The following DNAJC27 variants were observed in gnomAD, a reference collection of about 807,000 sequenced individuals.
DNAJC27 encodes dnaJ homolog subfamily C member 27.
DNAJC27 carries 25 observed loss-of-function variants against 31.4 expected under a neutral mutation model. The observed-to-expected ratio is 0.80, with a 90% CI of 0.58 to 1.11. DNAJC27 has a LOEUF of 1.11. Among genes scored for constraint, DNAJC27 ranks in the 50% most tolerant of loss-of-function variants. DNAJC27 has a pLI of 0.00. For missense variants in DNAJC27, 356 were observed against 347.3 expected (o/e 1.02, Z -0.20); for synonymous variants, 106 against 112.7 (o/e 0.94, Z 0.37).
chr2:24,945,866 T>A lies in DNAJC27; in HGVS notation c.*1750A>T, dbSNP rs1251475850. ...CTGCTGTGTGGAAAATCCACAAGGC[T>A]GCAGTGGGCTTGGATTGGAAGAAAG... On this transcript the variant is annotated 3_prime_UTR_variant, in exon 7 of 7. Transcript: ENST00000264711. The A allele has an allele frequency of 6.6e-6, 1 of 152,234 alleles. No individual in the cohort carries two copies. The highest frequency in any genetic ancestry group is 2.4e-5 in the African/African-American group (1 of 41,462). 9.4% of individuals were successfully genotyped at this position (152,234 alleles called of 1,614,324 possible). A position where few individuals can be genotyped will look rare whatever the true frequency, so the allele number is the denominator to read the frequency against.
intron 3 of DNAJC27, chr2:24,958,547 T>C (rs2149125969): frequency 2.4e-6 from 1 of 414,858 alleles, no homozygotes; most frequent in Non-Finnish European, 5.0e-6. Context: ...ACTTACTTAC[T>C]AGTTTTGTGA....
intron 2 of DNAJC27, among the ~76,000 whole-genome samples, chr2:24,964,168 C>T (rs1394606241): frequency 6.6e-6 from 1 of 151,958 alleles, no homozygotes; most frequent in Non-Finnish European, 1.5e-5. Flanking sequence ...CGCCTGTAAT[C>T]CCAGCACTGT....
intron 6 of DNAJC27, among the ~76,000 whole-genome samples, chr2:24,951,062 C>T (rs1370816270): frequency 1.3e-5 from 2 of 152,310 alleles, no homozygotes; most frequent in South Asian, 2.1e-4. Context: ...TGATTGCCAA[C>T]GTGCTTTCCT....
At chr2:24,966,625 A>G (rs898181957) in intron 2 of DNAJC27, among the ~76,000 whole-genome samples, 2 of 151,892 alleles carry the variant, frequency 1.3e-5, no homozygotes, top group Admixed American at 1.3e-4. Flanking sequence ...CACCCGGCTA[A>G]TTTTTGCATT....
At chr2:24,967,804 G>A (rs1212223952) in intron 1 of DNAJC27, among the ~76,000 whole-genome samples, 2 of 151,896 alleles carry the variant, frequency 1.3e-5, no homozygotes, top group Non-Finnish European at 2.9e-5. Flanking sequence ...ATATGCATAT[G>A]TTTTCAGTTG....
At chr2:24,950,841 C>T (rs1011086866) in intron 6 of DNAJC27, among the ~76,000 whole-genome samples, 5 of 149,356 alleles carry the variant, frequency 3.3e-5, no homozygotes, top group Admixed American at 2.7e-4. Flanking sequence ...GAGTGAGACT[C>T]TGTCTCAAAA....
Position 24,951,537 on chromosome 2 carries a change from T to C in DNAJC27, c.546A>G (p.Ile182Met). ...TCCCGCCATTTTCACATAAATCAAC[T>C]ATGGATATATAAAAGGTCTACAAGA... ...NEMFQTFYIS[I>M]VDLCENGGKR... is the part of the protein sequence containing the mutation. Residue 182 changes from isoleucine to methionine, a missense_variant, in exon 6 of 7, where the codon ATA (isoleucine) becomes ATG (methionine). Physicochemically the swap from Ile to Met is conservative, Grantham distance 10. Coordinates refer to ENST00000264711, the MANE Select transcript of DNAJC27 (RefSeq NM_016544.3). 6.2e-7 allele frequency: 1 copy of C among 1,612,788 alleles called. No individual in the cohort carries two copies. The highest frequency in any genetic ancestry group is 8.5e-7 in the Non-Finnish European group (1 of 1,179,370).
At chr2:24,954,190 G>T (rs917233097) in intron 5 of DNAJC27, among the ~76,000 whole-genome samples, 3 of 152,144 alleles carry the variant, frequency 2.0e-5, no homozygotes. Context: ...GCCAAAGGCT[G>T]GGCTATATAT....
intron 6 of DNAJC27, 125 bp from the exon 7 acceptor site, chr2:24,947,873 G>T: frequency 8.8e-7 from 1 of 1,136,946 alleles, no homozygotes; most frequent in Non-Finnish European, 1.2e-6. Context: ...CTTTCTCAAA[G>T]GCAGGATTAA....
chr2:24,967,140 C>A, intron 2 of DNAJC27, 71 bp downstream of exon 2: 1 of 1,203,804 alleles, frequency 8.3e-7, no homozygotes, highest in Non-Finnish European at 1.2e-6. Flanking sequence ...AGCACTGATG[C>A]AAATATGGAT....
Position 24,947,520 on chromosome 2 carries a change from T to G in DNAJC27, c.*96A>C. Reference sequence around the variant, plus strand: ...GACAACACATGAATGAAAAGAGCAGTGAGATTCTGGGAAGGAAAACTCCAC... The same window carrying G: ...GACAACACATGAATGAAAAGAGCAGGGAGATTCTGGGAAGGAAAACTCCAC... On this transcript the variant is annotated 3_prime_UTR_variant, in exon 7 of 7. Transcript: ENST00000264711. The G allele has an allele frequency of 3.5e-6, 5 of 1,413,060 alleles. No individual in the cohort carries two copies. The highest frequency in any genetic ancestry group is 4.8e-6 in the Non-Finnish European group (5 of 1,037,258). The allele number at this position is 1,413,060 out of a possible 1,614,324, so 87.5% of individuals were successfully genotyped here.
At chr2:24,948,929 G>A (rs1173883568) in intron 6 of DNAJC27, among the ~76,000 whole-genome samples, 1 of 152,128 alleles carries the variant, frequency 6.6e-6, no homozygotes, top group Non-Finnish European at 1.5e-5. Flanking sequence ...TTTTATCGAA[G>A]GATTTCTAAT....
chr2:24,963,484 T>C lies in DNAJC27; in HGVS notation c.171-10A>G. 2.5e-6 allele frequency: 4 copies of C among 1,609,060 alleles called. No individual in the cohort carries two copies. Among genetic ancestry groups the C allele is most frequent in the Non-Finnish European group, 3.4e-6 (4 of 1,176,402 alleles). ...GTCTCTGACGTGTACCCTGAAATGT[T>C]CAAATGGAAACAATCCGAAAGAAAG... On this transcript the variant is annotated splice_polypyrimidine_tract_variant and intron_variant, in intron 2 of 6. Coordinates refer to ENST00000264711, the MANE Select transcript of DNAJC27 (RefSeq NM_016544.3).
intron 5 of DNAJC27, among the ~76,000 whole-genome samples, chr2:24,953,382 G>A (rs1174020188): frequency 1.3e-5 from 2 of 152,134 alleles, no homozygotes; most frequent in South Asian, 2.1e-4. Context: ...GACACAAGAC[G>A]TATTAGCTTG....
chr2:24,947,877 G>C, intron 6 of DNAJC27, 129 bp from the exon 7 acceptor site: 2 of 1,072,240 alleles, frequency 1.9e-6, no homozygotes, highest in Non-Finnish European at 2.5e-6. Flanking sequence ...CTCAAAGGCA[G>C]GATTAAAGGA....
chr2:24,948,646 C>T (rs920054381), intron 6 of DNAJC27, among the ~76,000 whole-genome samples: 1 of 152,158 alleles, frequency 6.6e-6, no homozygotes, highest in African/African-American at 2.4e-5. Context: ...AAACCAGCAG[C>T]GCTCCAGGAG....
At chr2:24,951,231 T>C (rs146945391) in intron 6 of DNAJC27, among the ~76,000 whole-genome samples, 163 bp downstream of exon 6, 7 of 152,370 alleles carry the variant, frequency 4.6e-5, no homozygotes, top group Non-Finnish European at 8.8e-5. Flanking sequence ...CTATTTTGTC[T>C]CTTTGGTATT....
intron 2 of DNAJC27, among the ~76,000 whole-genome samples, chr2:24,963,935 T>C (rs1363644137): frequency 1.3e-5 from 2 of 152,264 alleles, no homozygotes; most frequent in East Asian, 3.8e-4. Flanking sequence ...TTAATTTTCT[T>C]GTGATCTTTA....
Position 24,947,018 on chromosome 2 carries a change from AAC to A in DNAJC27, c.*596_*597del, listed in dbSNP as rs1225529472. ...CTCCCACTGGTGGCTGCAGAAGAGG[AAC>A]AGAGTGAATATCATAAAGGAATGCT... On this transcript the variant is annotated 3_prime_UTR_variant, in exon 7 of 7. Coordinates refer to ENST00000264711, the MANE Select transcript of DNAJC27 (RefSeq NM_016544.3). The A allele has an allele frequency of 6.6e-6, 1 of 152,252 alleles. No individual in the cohort carries two copies. The highest frequency in any genetic ancestry group is 1.5e-5 in the Non-Finnish European group (1 of 68,068). The allele number at this position is 152,252 out of a possible 1,614,324, so 9.4% of individuals were successfully genotyped here. A position where few individuals can be genotyped will look rare whatever the true frequency, so the allele number is the denominator to read the frequency against.
Sources: allele counts gnomAD v4.1 joint callset (sites outside exome capture counted in the v4.1 genomes callset), GRCh38; gene constraint gnomAD v4.1.1; transcripts MANE v1.5; gene names NCBI Gene and HGNC (gene_info 2026-07-23, HGNC 2026-07-21).